ADGRD2: variants seen among roughly 807,000 people sequenced by gnomAD.
ADGRD2 encodes the protein adhesion G protein-coupled receptor D2.
In ADGRD2, 71 loss-of-function variants were observed where a neutral mutation model predicts 44.4. The observed-to-expected ratio is 1.60, with a 90% CI of 1.32 to 1.95. The LOEUF (loss-of-function observed/expected upper bound fraction) is 1.95. Ranked by LOEUF, ADGRD2 falls within the 30% of genes most tolerant of loss-of-function variation. The probability of loss-of-function intolerance (pLI) is 0.00; values close to 1 mark genes in which losing one functional copy is unlikely to be tolerated. For missense variants in ADGRD2, 1,039 were observed against 512.4 expected, an observed-to-expected ratio of 2.03 and a Z score of -9.92; for synonymous variants, 481 against 224.8, an observed-to-expected ratio of 2.14 and a Z score of -10.19.
At chr9:124,455,753 C>G (rs1350496623) in intron 6 of ADGRD2, among the ~76,000 whole-genome samples, 1 of 152,138 alleles carries the variant, frequency 6.6e-6, no homozygotes, top group Non-Finnish European at 1.5e-5. Context: ...CCTAAACAGC[C>G]CAGACACTCT....
At chr9:124,475,111 C>T (rs563247768) in intron 17 of ADGRD2, among the ~76,000 whole-genome samples, 1 of 152,382 alleles carries the variant, frequency 6.6e-6, no homozygotes, top group African/African-American at 2.4e-5. Context: ...GTGCCCCTCC[C>T]AACCCCACCA....
At chr9:124,477,564 A>ACAGAGC (rs1214510992) in intron 21 of ADGRD2, among the ~76,000 whole-genome samples, 2 of 152,208 alleles carry the variant, frequency 1.3e-5, no homozygotes. Flanking sequence ...CAGAGCCCGC[A>ACAGAGC]CAGAGCCAGA....
chr9:124,465,986 A>T (rs1416699929), intron 10 of ADGRD2: 7 of 283,338 alleles, frequency 2.5e-5, no homozygotes, highest in Non-Finnish European at 4.6e-5. Flanking sequence ...CCTGCCCTGG[A>T]TCTTTAGCTG....
At position 124,474,083 on chromosome 9, in the gene ADGRD2, C is replaced by G. The variant is rs182245545; in HGVS notation, c.2759-1363C>G. ...CTAAGGTCAGGAGTTCGAGACCAGC[C>G]TGACCAATATGGTGAAACCCTGTCT... On this transcript the variant is annotated intron_variant, in intron 17 of 21. Transcript: ENST00000334810. Among the ~76,000 whole-genome samples the G allele has an allele frequency of 2.7e-3, 416 of 152,174 alleles. 1 individual carries two copies. The highest frequency in any genetic ancestry group is 4.6e-3 in the Non-Finnish European group (312 of 67,990).
chr9:124,451,801 C>T (rs1448364612), upstream of ADGRD2: 3 of 407,756 alleles, frequency 7.4e-6, no homozygotes, highest in Non-Finnish European at 1.4e-5. Context: ...AAGGTCACTG[C>T]AAATGTTATC....
intron 2 of ADGRD2, 42 bp downstream of exon 5, chr9:124,452,764 C>T (rs777123226): frequency 4.3e-6 from 3 of 692,948 alleles, no homozygotes; most frequent in South Asian, 3.0e-5. Flanking sequence ...GGGGCAGAGG[C>T]TCTGGTGACC....
chr9:124,471,001 G>A (rs1342683288), intron 17 of ADGRD2, among the ~76,000 whole-genome samples: 1 of 152,250 alleles, frequency 6.6e-6, no homozygotes, highest in Non-Finnish European at 1.5e-5. Context: ...CCCCCTTGGG[G>A]TCTGCGGCCT....
chr9:124,456,081 C>T (rs114339619), intron 6 of ADGRD2, among the ~76,000 whole-genome samples: 2,583 of 152,326 alleles, frequency 0.017, 56 homozygotes, highest in African/African-American at 0.053. Context: ...GGATCCGAGG[C>T]ACTGCAGTAG....
At chr9:124,456,732 T>C (rs1313760186) in exon 7 of ADGRD2, 2 of 707,034 alleles carry the variant, frequency 2.8e-6, no homozygotes, top group Admixed American at 2.0e-5. Context: ...ACCGCCATGC[T>C]GGTGAGCCTG....
chr9:124,477,026 C>T (rs1198720747), intron 21 of ADGRD2: 8 of 624,832 alleles, frequency 1.3e-5, no homozygotes, highest in South Asian at 3.0e-5. Context: ...GCACAGCCTG[C>T]CTTTCTCTGT....
chr9:124,468,728 G>A (rs904271105), intron 14 of ADGRD2, 56 bp downstream of exon 17: 9 of 664,042 alleles, frequency 1.4e-5, no homozygotes, highest in Admixed American at 8.4e-5. Context: ...TTGCACGGCC[G>A]ACCCTGCCAT....
In ADGRD2 at chr9:124,454,960, G is replaced by A. The variant is rs1440466900; in HGVS notation, c.1228G>A (p.Ala410Thr). 7 of 717,912 alleles carry A rather than the reference G, an allele frequency of 9.8e-6. No individual in the cohort carries two copies. The highest frequency in any genetic ancestry group is 1.6e-5 in the Non-Finnish European group (6 of 385,096). The allele number at this position is 717,912 out of a possible 1,614,324, so 44.5% of individuals were successfully genotyped here. Residue 410 changes from alanine to threonine, a missense_variant, in exon 6 of 22, where the codon GCA becomes ACA. Physicochemically the swap from Ala to Thr is moderately conservative, Grantham distance 58. Coordinates refer to ENST00000334810, the Ensembl canonical transcript of ADGRD2. This position sits in a 1 kb window ranked among gnomAD's most constrained non-coding sequence, Gnocchi z 4.5. ...GGAGATGGCTCCCCTGGGGCCGGCC[G>A]CACTGCTGGCTGTTGTCCGCTTCCT... is the stretch of plus-strand genomic sequence containing the variant.
At chr9:124,469,625 C>G (rs891380248) in intron 16 of ADGRD2, 78 bp downstream of exon 19, 1 of 696,404 alleles carries the variant, frequency 1.4e-6, no homozygotes, top group Non-Finnish European at 2.7e-6. Context: ...GCTCACTGGG[C>G]GAGAGCACGT....
At chr9:124,462,715 T>C (rs544015655) in intron 10 of ADGRD2, among the ~76,000 whole-genome samples, 1 of 152,354 alleles carries the variant, frequency 6.6e-6, no homozygotes, top group East Asian at 1.9e-4. Flanking sequence ...TAGTATATAG[T>C]AATATAATTG....
upstream of ADGRD2, chr9:124,452,017 C>CCCAGGG: frequency 3.5e-6 from 2 of 563,666 alleles, no homozygotes; most frequent in Admixed American, 2.5e-5. Flanking sequence ...CACCCACCCC[C>CCCAGGG]AGAGTAGGCA....
intron 17 of ADGRD2, 51 bp from the exon 21 acceptor site, chr9:124,475,395 G>T (rs1018581473): frequency 5.7e-6 from 4 of 695,858 alleles, no homozygotes; most frequent in Non-Finnish European, 1.1e-5. Context: ...CAGGCTGTGG[G>T]GGATGGGGTA....
chr9:124,466,325 C>T (rs1374699980), exon 11 of ADGRD2: 6 of 717,272 alleles, frequency 8.4e-6, no homozygotes. Flanking sequence ...ACAGGCTGCT[C>T]CGTGGCTGCC....
At chr9:124,458,996 G>A (rs1339842878) in intron 10 of ADGRD2, among the ~76,000 whole-genome samples, 1 of 152,226 alleles carries the variant, frequency 6.6e-6, no homozygotes, top group Admixed American at 6.5e-5. Context: ...ATTGGCCCCA[G>A]CTTGTAAGTG....
Position 124,453,527 on chromosome 9 carries a change from T to TG in ADGRD2, c.775dup (p.Trp260ValfsTer65), listed in dbSNP as rs1242389888. On this transcript the variant is annotated frameshift_variant, in exon 3 of 22. Coordinates refer to ENST00000334810, the Ensembl canonical transcript of ADGRD2. LOFTEE classifies it high-confidence loss of function. Reference sequence around the variant, plus strand: ...AGCGGCAACCTCACCGACTTCCACCTGTGGGCGCGGGCGCTGAGCCCCGCT... The same window carrying TG: ...AGCGGCAACCTCACCGACTTCCACCTGGTGGGCGCGGGCGCTGAGCCCCGCT... 1 of 699,470 alleles carries TG rather than the reference T, an allele frequency of 1.4e-6. No individual in the cohort carries two copies. Among genetic ancestry groups the TG allele is most frequent in the Admixed American group, 2.1e-5 (1 of 48,352 alleles). 43.3% of individuals were successfully genotyped at this position (699,470 alleles called of 1,614,324 possible). A position where few individuals can be genotyped will look rare whatever the true frequency, so the allele number is the denominator to read the frequency against.
Sources: allele counts gnomAD v4.1 joint callset (sites outside exome capture counted in the v4.1 genomes callset), GRCh38; gene constraint gnomAD v4.1.1; non-coding constraint Gnocchi (gnomAD v3.1); transcripts MANE v1.5; gene names NCBI Gene and HGNC (gene_info 2026-07-23, HGNC 2026-07-21).